GRM7: variants seen among roughly 807,000 people sequenced by gnomAD.
GRM7 encodes metabotropic glutamate receptor 7.
GRM7 carries 35 observed loss-of-function variants against 84.5 expected under a neutral mutation model. That is an observed-to-expected ratio of 0.41 (90% CI 0.32 to 0.55). The LOEUF (loss-of-function observed/expected upper bound fraction) is 0.55, where lower values mean the gene tolerates loss of function less well. GRM7 is among the 20% of genes least tolerant of loss of function. GRM7 has a pLI of 0.19. For synonymous variants in GRM7, 487 were observed against 455.1 expected, an observed-to-expected ratio of 1.07 and a Z score of -0.89; for missense variants, 1,003 against 1,194.6, an observed-to-expected ratio of 0.84 and a Z score of 2.36.
chr3:7,701,680 G>A (rs760717320), intron 9 of GRM7, among the ~76,000 whole-genome samples: 2 of 152,146 alleles, frequency 1.3e-5, no homozygotes, highest in Non-Finnish European at 2.9e-5. Flanking sequence ...GATGGTAGGA[G>A]CTTCACTCAG....
chr3:6,986,887 C>T (rs1694432204), intron 1 of GRM7, among the ~76,000 whole-genome samples: 1 of 152,184 alleles, frequency 6.6e-6, no homozygotes, highest in African/African-American at 2.4e-5. Flanking sequence ...TCTATACCTT[C>T]AGCTATCAGC....
At chr3:7,693,320 T>C (rs1354991054) in intron 9 of GRM7, among the ~76,000 whole-genome samples, 1 of 152,110 alleles carries the variant, frequency 6.6e-6, no homozygotes, top group African/African-American at 2.4e-5. Context: ...TTGCTAACAT[T>C]AAAAAATGGC....
chr3:7,670,616 T>A (rs1371893326), intron 8 of GRM7, among the ~76,000 whole-genome samples: 1 of 152,266 alleles, frequency 6.6e-6, no homozygotes, highest in Non-Finnish European at 1.5e-5. Flanking sequence ...CTTCTCTTTT[T>A]ATGTTCATTA....
intron 2 of GRM7, among the ~76,000 whole-genome samples, chr3:7,245,883 T>A (rs1307276592): frequency 6.6e-6 from 1 of 152,136 alleles, no homozygotes; most frequent in Admixed American, 6.6e-5. Context: ...TTTGTAGGAT[T>A]TTTTTATATG....
chr3:7,398,547 G>A (rs148635338), intron 4 of GRM7, among the ~76,000 whole-genome samples: 182 of 152,104 alleles, frequency 1.2e-3, no homozygotes, highest in Non-Finnish European at 2.3e-3. Flanking sequence ...GGTAGCCTAC[G>A]TATGGAAAAA....
chr3:7,227,991 C>T (rs1207543328), intron 2 of GRM7, among the ~76,000 whole-genome samples: 1 of 152,152 alleles, frequency 6.6e-6, no homozygotes, highest in Non-Finnish European at 1.5e-5. Flanking sequence ...AGGTACTCTT[C>T]TCTCAGAATA....
At position 7,452,733 on chromosome 3, in the gene GRM7, G is replaced by A. The variant is rs369592692; in HGVS notation, c.1301G>A (p.Arg434Gln). 7.9e-5 allele frequency: 127 copies of A among 1,612,744 alleles called. No individual in the cohort carries two copies. Among genetic ancestry groups the A allele is most frequent in the Non-Finnish European group, 1.0e-4 (119 of 1,179,072 alleles). Residue 434 changes from arginine to glutamine, a missense_variant, in exon 6 of 10, where the codon CGG becomes CAG. Transcript: ENST00000357716. ...HMNKDLCADY[R>Q]GVCPEMEQAG... Reference sequence around the variant, plus strand: ...AACAAGGATCTCTGTGCTGACTACCGGGGTGTCTGCCCAGAGATGGAGCAA... The same window carrying A: ...AACAAGGATCTCTGTGCTGACTACCAGGGTGTCTGCCCAGAGATGGAGCAA...
At chr3:7,103,420 C>T (rs866772253) in intron 1 of GRM7, among the ~76,000 whole-genome samples, 1 of 151,746 alleles carries the variant, frequency 6.6e-6, no homozygotes, top group African/African-American at 2.4e-5. Context: ...TTTCAAACTT[C>T]GAGCTGTTGC....
intron 2 of GRM7, among the ~76,000 whole-genome samples, chr3:7,165,227 C>G (rs980037173): frequency 6.6e-6 from 1 of 152,236 alleles, no homozygotes; most frequent in African/African-American, 2.4e-5. Flanking sequence ...ATCCCAGTAA[C>G]TGCATTTCTT....
At chr3:7,730,387 C>G (rs1411571908) in intron 9 of GRM7, among the ~76,000 whole-genome samples, 2 of 152,166 alleles carry the variant, frequency 1.3e-5, no homozygotes, top group Non-Finnish European at 2.9e-5. Flanking sequence ...AGGGACTGAA[C>G]CTGCACAGTA....
intron 2 of GRM7, among the ~76,000 whole-genome samples, chr3:7,175,021 C>T (rs563221648): frequency 3.9e-4 from 59 of 152,214 alleles, no homozygotes; most frequent in African/African-American, 1.4e-3. Context: ...GTCCCTCCTT[C>T]GGATTAAGGA....
intron 1 of GRM7, among the ~76,000 whole-genome samples, chr3:7,121,062 G>A (rs983637375): frequency 5.3e-5 from 8 of 152,108 alleles, no homozygotes; most frequent in Non-Finnish European, 1.0e-4. Context: ...TCTGGCCCTA[G>A]CAGGATTCTT....
intron 6 of GRM7, among the ~76,000 whole-genome samples, chr3:7,454,030 A>T (rs935762584): frequency 1.3e-5 from 2 of 151,340 alleles, no homozygotes; most frequent in African/African-American, 4.9e-5. Context: ...GTGCCCCAAC[A>T]TTATAACAAG....
chr3:7,699,133 G>C (rs1701127338), intron 9 of GRM7, among the ~76,000 whole-genome samples: 1 of 152,180 alleles, frequency 6.6e-6, no homozygotes, highest in Non-Finnish European at 1.5e-5. Flanking sequence ...GTTGACCTTA[G>C]TGGTCTCTGG....
intron 1 of GRM7, among the ~76,000 whole-genome samples, chr3:7,089,900 T>C (rs1434961715): frequency 6.6e-6 from 1 of 152,130 alleles, no homozygotes; most frequent in Non-Finnish European, 1.5e-5. Context: ...TGGAGTACAG[T>C]GGCATGATCT....
At chr3:7,516,297 G>A (rs573501355) in intron 7 of GRM7, among the ~76,000 whole-genome samples, 2 of 151,142 alleles carry the variant, frequency 1.3e-5, no homozygotes, top group Non-Finnish European at 3.0e-5. Context: ...CTAACATGGT[G>A]AAACCCTGTC....
At chr3:6,952,779 T>C (rs1488859523) in intron 1 of GRM7, among the ~76,000 whole-genome samples, 1 of 152,220 alleles carries the variant, frequency 6.6e-6, no homozygotes, top group Non-Finnish European at 1.5e-5. Flanking sequence ...TACTCTAATT[T>C]AGCTAGAATA....
intron 6 of GRM7, among the ~76,000 whole-genome samples, chr3:7,456,696 T>TC (rs778144286): frequency 0.25 from 6,619 of 26,586 alleles, 181 homozygotes; most frequent in Non-Finnish European, 0.38. Context: ...TCTCTCTCTC[T>TC]TTTTTTTTTT....
In GRM7 at chr3:6,966,080, A is replaced by G. The variant is rs926339233; in HGVS notation, c.519+104173A>G. Among the ~76,000 whole-genome samples, 38 of 152,206 alleles carry G rather than the reference A, an allele frequency of 2.5e-4. 1 individual carries two copies. The highest frequency in any genetic ancestry group is 5.0e-4 in the Non-Finnish European group (34 of 68,044). On this transcript the variant is annotated intron_variant, in intron 1 of 9. Coordinates refer to ENST00000357716, the MANE Select transcript of GRM7 (RefSeq NM_000844.4). ...AAGGAATGCACATATCACGAGTGCT[A>G]TACGAAATGCCCTTGGGGCTCTCTC...
Sources: gnomAD v4.1 joint callset for allele counts (sites outside exome capture counted in the v4.1 genomes callset) on GRCh38, gnomAD v4.1.1 for gene constraint, MANE v1.5 for transcripts, NCBI Gene and HGNC (gene_info 2026-07-23, HGNC 2026-07-21) for gene names.